Variants in KDM7A observed in about 807,000 individuals in gnomAD.
KDM7A encodes lysine demethylase 7A, also known as lysine-specific demethylase 7A.
Under a neutral mutation model 114.8 loss-of-function variants are expected in KDM7A, and 28 were observed. That is an observed-to-expected ratio of 0.24 (90% CI 0.18 to 0.33). The LOEUF (loss-of-function observed/expected upper bound fraction) is 0.33. Ranked by LOEUF, KDM7A falls within the 10% of genes least tolerant of loss-of-function variation. The pLI is 1.00. For missense variants in KDM7A, 942 were observed against 1,142.5 expected, an observed-to-expected ratio of 0.82 and a Z score of 2.53; for synonymous variants, 423 against 397.8, an observed-to-expected ratio of 1.06 and a Z score of -0.75.
At chr7:140,143,994 T>C (rs929593029) in intron 1 of KDM7A, among the ~76,000 whole-genome samples, 2 of 152,244 alleles carry the variant, frequency 1.3e-5, no homozygotes, top group African/African-American at 4.8e-5. Flanking sequence ...AAATTGTATA[T>C]ATCTTTACAT....
chr7:140,176,761 C>T lies in KDM7A; in HGVS notation c.177G>A (p.Lys59=). The T allele has an allele frequency of 7.1e-7, 1 of 1,401,676 alleles. No homozygotes were observed. The highest frequency in any genetic ancestry group is 9.5e-7 in the Non-Finnish European group (1 of 1,053,880). The allele number at this position is 1,401,676 out of a possible 1,614,324, so 86.8% of individuals were successfully genotyped here. A position where few individuals can be genotyped will look rare whatever the true frequency, so the allele number is the denominator to read the frequency against. The change falls in exon 1 of 20, where the codon AAG becomes AAA. Residue 59 remains lysine, a synonymous_variant. Coordinates refer to ENST00000397560, the MANE Select transcript of KDM7A (RefSeq NM_030647.2). The surrounding 1 kb of genome is among the most constrained non-coding windows in gnomAD (Gnocchi z 4.4). ...NRFMIECDIC[K]DWFHGSCVGV... is the part of the protein sequence containing the mutation. ...TTATTTACCTGCCGTGGAACCAGTC[C>T]TTGCAGATATCGCACTCGATCATGA...
intron 1 of KDM7A, among the ~76,000 whole-genome samples, chr7:140,147,006 T>A (rs987069794): frequency 6.6e-6 from 1 of 152,140 alleles, no homozygotes; most frequent in African/African-American, 2.4e-5. Flanking sequence ...CTTCAGATAC[T>A]CTCCCCATTC....
chr7:140,089,860 G>A lies in KDM7A; in HGVS notation c.*1234C>T, dbSNP rs878959258. On this transcript the variant is annotated 3_prime_UTR_variant, in exon 20 of 20. Coordinates refer to ENST00000397560, the MANE Select transcript of KDM7A (RefSeq NM_030647.2). ...CTTAAGTAATTCTTTAGAAAATTAA[G>A]AAATAAAAAAAGTAAATACACACAA... 6.6e-6 allele frequency: 1 copy of A among 151,994 alleles called. No homozygotes were observed. Among genetic ancestry groups the A allele is most frequent in the African/African-American group, 2.4e-5 (1 of 41,400 alleles). The allele number at this position is 151,994 out of a possible 1,614,324, so 9.4% of individuals were successfully genotyped here.
At chr7:140,144,156 A>T (rs983276288) in intron 1 of KDM7A, among the ~76,000 whole-genome samples, 2 of 152,236 alleles carry the variant, frequency 1.3e-5, no homozygotes, top group Non-Finnish European at 2.9e-5. Context: ...TGGTACTGGC[A>T]TAAGGATAGA....
At chr7:140,101,625 C>G (rs969479340) in intron 12 of KDM7A, among the ~76,000 whole-genome samples, 1 of 152,184 alleles carries the variant, frequency 6.6e-6, no homozygotes, top group Non-Finnish European at 1.5e-5. Context: ...ATCCTTCCAG[C>G]TTGAACTAGG....
chr7:140,143,904 G>A (rs1794312099), intron 1 of KDM7A, among the ~76,000 whole-genome samples: 1 of 152,160 alleles, frequency 6.6e-6, no homozygotes, highest in Admixed American at 6.5e-5. Flanking sequence ...AAAGCAAAAG[G>A]TGAATATGCT....
chr7:140,094,989 A>G (rs1818081537), intron 17 of KDM7A, among the ~76,000 whole-genome samples: 1 of 152,208 alleles, frequency 6.6e-6, no homozygotes, highest in Non-Finnish European at 1.5e-5. Flanking sequence ...CTAGGATTAC[A>G]GGCATGCGCC....
Position 140,099,992 on chromosome 7 carries a change from A to C in KDM7A, c.1670T>G (p.Phe557Cys), listed in dbSNP as rs1434730277. Residue 557 changes from phenylalanine (F) to cysteine (C), a missense_variant, in exon 13 of 20, where the codon TTC (phenylalanine) becomes TGC (cysteine). Around this residue, in one of 4 missense-constraint regions of KDM7A, gnomAD observed 512 missense variants for 576.6 expected, o/e 0.89. Coordinates refer to ENST00000397560, the MANE Select transcript of KDM7A (RefSeq NM_030647.2). The part of the protein sequence containing the change: ...DILSSKLNGK[F>C]NKHLQPSSTV... ...GGAGGATGGTTGGAGATGTTTGTTG[A>C]ATTTTCCATTCAGTTTAGAGCTCAA... The C allele has an allele frequency of 2.5e-6, 4 of 1,614,108 alleles. No individual in the cohort carries two copies. The East Asian group carries it at 8.9e-5, about 36-fold the overall frequency.
rs1006178829 is a variant in KDM7A, at chr7:140,115,431, C to G, written c.1247-1849G>C. Among the ~76,000 whole-genome samples, 14 of 152,272 alleles carry G rather than the reference C, an allele frequency of 9.2e-5. No individual in the cohort carries two copies. In the East Asian group the frequency reaches 2.5e-3, roughly 27 times the overall value. On this transcript the variant is annotated intron_variant, in intron 9 of 19. Coordinates refer to ENST00000397560, the MANE Select transcript of KDM7A (RefSeq NM_030647.2). ...TAGAAAGAAGTAGACATGGGAGACT[C>G]CATTTTGTTCTGTACTAAGAAAAAT...
At chr7:140,126,516 T>TA (rs11303092) in intron 6 of KDM7A, 121 bp downstream of exon 6, 57,088 of 401,530 alleles carry the variant, frequency 0.14, 1,015 homozygotes, top group Non-Finnish European at 0.16. Flanking sequence ...GGTTAAAAAG[T>TA]AAAAAAAAAA....
intron 7 of KDM7A, among the ~76,000 whole-genome samples, chr7:140,120,903 A>G (rs1818609367): frequency 6.6e-6 from 1 of 152,222 alleles, no homozygotes; most frequent in Non-Finnish European, 1.5e-5. Flanking sequence ...CACTGTGCCC[A>G]GCCTGTTTTT....
intron 5 of KDM7A, 143 bp from the exon 6 acceptor site, chr7:140,126,966 T>G: frequency 1.5e-6 from 1 of 667,906 alleles, no homozygotes; most frequent in Non-Finnish European, 2.5e-6. Flanking sequence ...AAACACATGT[T>G]TGTTTGTTTT....
At chr7:140,174,032 CG>C (rs1037506058) in intron 1 of KDM7A, among the ~76,000 whole-genome samples, 1 of 151,718 alleles carries the variant, frequency 6.6e-6, no homozygotes, top group Admixed American at 6.6e-5. Flanking sequence ...GGCGTGGTGA[CG>C]GGCACCTGTA....
chr7:140,139,694 A>C (rs942860503), intron 1 of KDM7A, among the ~76,000 whole-genome samples: 1 of 152,062 alleles, frequency 6.6e-6, no homozygotes, highest in African/African-American at 2.4e-5. Context: ...AACCTTAAAA[A>C]CAGATAGAAG....
At chr7:140,175,902 C>T (rs1428689939) in intron 1 of KDM7A, among the ~76,000 whole-genome samples, 2 of 152,144 alleles carry the variant, frequency 1.3e-5, no homozygotes, top group African/African-American at 2.4e-5. Context: ...AAGTTTAAGC[C>T]GCGGCGCGAG....
rs1187357651 is a variant in KDM7A at position 140,088,741 on chromosome 7, A to C, written c.*2353T>G. The C allele has an allele frequency of 5.3e-6, 2 of 380,704 alleles. No homozygotes were observed. Among genetic ancestry groups the C allele is most frequent in the African/African-American group, 4.2e-5 (2 of 48,144 alleles). The allele number at this position is 380,704 out of a possible 1,614,324, so 23.6% of individuals were successfully genotyped here. On this transcript the variant is annotated 3_prime_UTR_variant, in exon 20 of 20. Transcript: ENST00000397560. ...ACTTATTAAGGGGCTAAAACTACTAAAAATGAATCCACAGTACCTTCACTT... is the reference window on the plus strand; with the variant it reads ...ACTTATTAAGGGGCTAAAACTACTACAAATGAATCCACAGTACCTTCACTT...
chr7:140,097,580 C>T lies in KDM7A; in HGVS notation c.1981G>A (p.Glu661Lys). ...CACTCGGGTCCGGAGTCTTCTGACT[C>T]AGAAATATCAGAATATCCTGATGAT... Reference protein sequence around the residue: ...SRSSGYSDISESEDSGPECTA... With the variant: ...SRSSGYSDISKSEDSGPECTA... The change falls in exon 15 of 20, where the codon GAG (glutamate) becomes AAG (lysine). Residue 661 changes from glutamate to lysine, a missense_variant. By Grantham distance (56) the Glu-to-Lys change is moderately conservative. Transcript: ENST00000397560. 1 of 1,607,976 alleles carries T rather than the reference C, an allele frequency of 6.2e-7. No homozygotes were observed. The highest frequency in any genetic ancestry group is 1.1e-5 in the South Asian group (1 of 90,942).
rs373386923 is a variant in KDM7A at position 140,119,432 on chromosome 7, T to C, written c.1140-213A>G. ...TTTGATGGTATACTTAAGAATTGTA[T>C]TGGACTTCACAGAAGATCAGGATCA... is the stretch of plus-strand genomic sequence containing the variant. On this transcript the variant is annotated intron_variant, in intron 8 of 19. Transcript: ENST00000397560. 5.3e-5 allele frequency among the ~76,000 whole-genome samples: 8 copies of C among 152,364 alleles called. 1 individual carries two copies. Among genetic ancestry groups the C allele is most frequent in the African/African-American group, 1.4e-4 (6 of 41,584 alleles).
At position 140,093,994 on chromosome 7, in the gene KDM7A, A is replaced by G. The variant is rs138304109; in HGVS notation, c.2457+62T>C. 2.3e-3 allele frequency: 2,345 copies of G among 1,039,686 alleles called. 3 individuals carry two copies. Among genetic ancestry groups the G allele is most frequent in the Non-Finnish European group, 3.0e-3 (2,001 of 660,558 alleles). The allele number at this position is 1,039,686 out of a possible 1,614,324, so 64.4% of individuals were successfully genotyped here. A position where few individuals can be genotyped will look rare whatever the true frequency, so the allele number is the denominator to read the frequency against. ...TGGTTGTTACAGTTTTAAAAAAGAAAGCAAAAACAACGTTAATGATCATTT... is the reference window on the plus strand; with the variant it reads ...TGGTTGTTACAGTTTTAAAAAAGAAGGCAAAAACAACGTTAATGATCATTT... On this transcript the variant is annotated intron_variant, in intron 18 of 19. Transcript: ENST00000397560.
Sources: allele counts gnomAD v4.1 joint callset (sites outside exome capture counted in the v4.1 genomes callset), GRCh38; gene constraint gnomAD v4.1.1; regional missense constraint gnomAD v4.1.1; non-coding constraint Gnocchi (gnomAD v3.1); transcripts MANE v1.5; gene names NCBI Gene and HGNC (gene_info 2026-07-23, HGNC 2026-07-21).